Variants in CFAP58 observed in about 807,000 individuals in gnomAD.
CFAP58 encodes cilia and flagella associated protein 58.
A neutral mutation model predicts 119.5 loss-of-function variants in CFAP58; 88 were observed. That is an observed-to-expected ratio of 0.74 (90% confidence interval 0.62 to 0.88). CFAP58 has a LOEUF of 0.88. Among genes scored for constraint, CFAP58 ranks in the 40% least tolerant of loss-of-function variants. The pLI, the probability that CFAP58 is intolerant of heterozygous loss-of-function variation, is 0.00. For missense variants in CFAP58, 990 were observed against 1,021.2 expected (o/e 0.97, Z 0.42); for synonymous variants, 365 against 366.3 (o/e 1.00, Z 0.04).
the CFAP58 span, among the ~76,000 whole-genome samples, chr10:104,343,519 T>C: frequency 6.6e-6 from 1 of 152,218 alleles, no homozygotes; most frequent in African/African-American, 2.4e-5. Flanking sequence ...GAACCTACGT[T>C]TTTCAAAGAT....
At chr10:104,366,116 C>A in intron 5 of CFAP58, 108 bp downstream of exon 5, 2 of 990,636 alleles carry the variant, frequency 2.0e-6, no homozygotes, top group Middle Eastern at 3.3e-4. Context: ...AAATTCCCTT[C>A]ACTACTCGTG....
chr10:104,423,823 G>A (rs547789840), intron 15 of CFAP58, among the ~76,000 whole-genome samples: 4 of 152,252 alleles, frequency 2.6e-5, no homozygotes, highest in South Asian at 2.1e-4. Flanking sequence ...ACAAGGACCC[G>A]GGGGAGTCCT....
intron 15 of CFAP58, among the ~76,000 whole-genome samples, chr10:104,407,434 G>A (rs969467274): frequency 1.3e-5 from 2 of 152,162 alleles, no homozygotes; most frequent in Non-Finnish European, 2.9e-5. Flanking sequence ...GCTGATGACC[G>A]AGGAAGTCAG....
chr10:104,440,544 G>C (rs2013020644), intron 15 of CFAP58, among the ~76,000 whole-genome samples: 1 of 152,176 alleles, frequency 6.6e-6, no homozygotes, highest in Non-Finnish European at 1.5e-5. Flanking sequence ...CCAAAGGAAA[G>C]GAGGCAAAAT....
chr10:104,388,805 C>T (rs2011977965), intron 9 of CFAP58, among the ~76,000 whole-genome samples: 1 of 152,090 alleles, frequency 6.6e-6, no homozygotes, highest in Non-Finnish European at 1.5e-5. Flanking sequence ...TTTCTATTGG[C>T]AGGTTGTTTT....
At chr10:104,357,518 G>C (rs1254545551) in intron 1 of CFAP58, among the ~76,000 whole-genome samples, 1 of 152,036 alleles carries the variant, frequency 6.6e-6, no homozygotes, top group Non-Finnish European at 1.5e-5. Context: ...CAGTCTTAGG[G>C]GCAATAAGAA....
chr10:104,399,444 C>G lies in CFAP58; in HGVS notation c.1759C>G (p.Arg587Gly), dbSNP rs200198757. The change falls in exon 12 of 18, where the codon CGA becomes GGA. Residue 587 changes from arginine to glycine, a missense_variant. By Grantham distance (125) the Arg-to-Gly change is moderately radical. Coordinates refer to ENST00000369704, the MANE Select transcript of CFAP58 (RefSeq NM_001008723.2). ...AGAAGCTGAAGAGAGAAAACTCCTG[C>G]GAATAATTGCTGAGGCTGACGGGGA... ...KQEAEERKLL[R>G]IIAEADGERL... 6.2e-7 allele frequency: 1 copy of G among 1,613,686 alleles called. No homozygotes were observed. The highest frequency in any genetic ancestry group is 1.3e-5 in the African/African-American group (1 of 74,862).
At chr10:104,375,332 C>G (rs1294627616) in intron 7 of CFAP58, among the ~76,000 whole-genome samples, 1 of 151,744 alleles carries the variant, frequency 6.6e-6, no homozygotes, top group Non-Finnish European at 1.5e-5. Flanking sequence ...TAAGTAGATT[C>G]TGGTTGATTT....
At chr10:104,423,148 G>T (rs1026028744) in intron 15 of CFAP58, among the ~76,000 whole-genome samples, 1 of 151,986 alleles carries the variant, frequency 6.6e-6, no homozygotes, top group Non-Finnish European at 1.5e-5. Context: ...TTTGCTGTAG[G>T]ACATAGTTAT....
rs980021657 is a variant in CFAP58, at chr10:104,399,360, G to T, written c.1675G>T (p.Ala559Ser). ...GCCTGTATCTTCCACTCTTTGTCAGGCTGAGCTGCAGAAGCTGAGACAACA... is the reference window on the plus strand; with the variant it reads ...GCCTGTATCTTCCACTCTTTGTCAGTCTGAGCTGCAGAAGCTGAGACAACA... ...RIEKEKETLKAELQKLRQQAL... is the reference protein window; with the variant it reads ...RIEKEKETLKSELQKLRQQAL... The change falls in exon 12 of 18, where the codon GCT (alanine) becomes TCT (serine). Residue 559 changes from alanine (A) to serine (S), a missense_variant and splice_region_variant. Physicochemically the swap from Ala to Ser is moderately conservative, Grantham distance 99. Coordinates refer to ENST00000369704, the MANE Select transcript of CFAP58 (RefSeq NM_001008723.2). The T allele has an allele frequency of 6.2e-7, 1 of 1,613,306 alleles. No individual in the cohort carries two copies. Among genetic ancestry groups the T allele is most frequent in the African/African-American group, 1.3e-5 (1 of 74,862 alleles).
rs148917745 is a variant in CFAP58, at chr10:104,393,237, C to T, written c.1528-92C>T. The stretch of plus-strand genomic sequence containing the variant: ...TCAAGAGACCATTGTTTTGAGAGAG[C>T]GTCCCTTAAAAGCTCTGAAATATAT... On this transcript the variant is annotated intron_variant, in intron 10 of 17. Coordinates refer to ENST00000369704, the MANE Select transcript of CFAP58 (RefSeq NM_001008723.2). The T allele has an allele frequency of 8.5e-4, 954 of 1,122,502 alleles. 2 individuals carry two copies. The highest frequency in any genetic ancestry group is 1.1e-3 in the Non-Finnish European group (870 of 777,858). The allele number at this position is 1,122,502 out of a possible 1,614,324, so 69.5% of individuals were successfully genotyped here.
At chr10:104,362,350 C>T (rs1299214193) in intron 3 of CFAP58, among the ~76,000 whole-genome samples, 179 bp downstream of exon 3, 2 of 152,196 alleles carry the variant, frequency 1.3e-5, no homozygotes, top group East Asian at 3.8e-4. Context: ...CTTTTCTCCA[C>T]ACCTAAGAAC....
At chr10:104,454,352 A>T in intron 17 of CFAP58, 70 bp from the exon 18 acceptor site, 3 of 1,211,318 alleles carry the variant, frequency 2.5e-6, no homozygotes, top group Non-Finnish European at 2.5e-6. Flanking sequence ...AACACACCCT[A>T]GGATTATCAA....
intron 15 of CFAP58, among the ~76,000 whole-genome samples, chr10:104,411,643 AT>A (rs55884742): frequency 7.9e-5 from 12 of 151,528 alleles, no homozygotes; most frequent in East Asian, 5.8e-4. Context: ...GCTTAGAATA[AT>A]TTTTTTTTAA....
chr10:104,413,407 C>T (rs1349318761), intron 15 of CFAP58, among the ~76,000 whole-genome samples: 2 of 152,166 alleles, frequency 1.3e-5, no homozygotes, highest in African/African-American at 2.4e-5. Flanking sequence ...AACTTTATAG[C>T]TTCAGTGGTA....
intron 9 of CFAP58, among the ~76,000 whole-genome samples, chr10:104,391,764 G>A (rs942846570): frequency 6.6e-6 from 1 of 152,178 alleles, no homozygotes; most frequent in Non-Finnish European, 1.5e-5. Flanking sequence ...TGGCAAGATA[G>A]CGTTATGATT....
rs1244718442 is a variant in CFAP58, at chr10:104,403,916, C to G, written c.2151+76C>G. On this transcript the variant is annotated intron_variant, in intron 14 of 17. Transcript: ENST00000369704. ...CACGCGAAGCTTCTAACCTAAAGCA[C>G]AATGAGAAGCGAGGTTTTATTTAAT... 3.6e-6 allele frequency: 3 copies of G among 825,462 alleles called. No homozygotes were observed. The East Asian group carries it at 8.1e-5, about 22-fold the overall frequency. 51.1% of individuals were successfully genotyped at this position (825,462 alleles called of 1,614,324 possible). A position where few individuals can be genotyped will look rare whatever the true frequency, so the allele number is the denominator to read the frequency against.
chr10:104,348,359 A>G, the CFAP58 span, among the ~76,000 whole-genome samples: 1 of 152,290 alleles, frequency 6.6e-6, no homozygotes, highest in African/African-American at 2.4e-5. Flanking sequence ...ACTGGGTACT[A>G]TTGAAGAGGT....
rs772813436 is a variant in CFAP58 at position 104,364,910 on chromosome 10, A to G, written c.597+21A>G. ...GTCAGGTCTGCCATGGAGGGCAAGA[A>G]GAAGGAATATTTCCTTCCAGAGGAT... is the stretch of plus-strand genomic sequence containing the variant. On this transcript the variant is annotated intron_variant, in intron 4 of 17. Coordinates refer to ENST00000369704, the MANE Select transcript of CFAP58 (RefSeq NM_001008723.2). 2.2e-5 allele frequency: 35 copies of G among 1,605,340 alleles called. 1 individual carries two copies. In the Admixed American group the frequency reaches 5.9e-4, roughly 27 times the overall value.
Sources: gnomAD v4.1 joint callset for allele counts (sites outside exome capture counted in the v4.1 genomes callset) on GRCh38, gnomAD v4.1.1 for gene constraint, MANE v1.5 for transcripts, NCBI Gene and HGNC (gene_info 2026-07-23, HGNC 2026-07-21) for gene names.